The following RTN3 variants were observed in gnomAD, a reference collection of about 807,000 sequenced individuals.
The protein encoded by RTN3 is reticulon-3.
A neutral mutation model predicts 77.8 loss-of-function variants in RTN3; 49 were observed. That is an observed-to-expected ratio of 0.63 (90% CI 0.50 to 0.80). The LOEUF is 0.80. RTN3 is among the 30% of genes least tolerant of loss of function. The pLI is 0.00. For synonymous variants in RTN3, 464 were observed against 446.9 expected, an observed-to-expected ratio of 1.04 and a Z score of -0.48; for missense variants, 1,236 against 1,211.9, an observed-to-expected ratio of 1.02 and a Z score of -0.29.
chr11:63,692,887 AAATTTGTCAC>A (rs1161027242), intron 1 of RTN3, among the ~76,000 whole-genome samples: 3 of 152,238 alleles, frequency 2.0e-5, no homozygotes, highest in African/African-American at 7.2e-5. Flanking sequence ...CAACTTGACC[AAATTTGTCAC>A]AATTTGTCAC....
intron 2 of RTN3, among the ~76,000 whole-genome samples, chr11:63,716,041 A>T (rs1347773800): frequency 6.6e-6 from 1 of 152,186 alleles, no homozygotes; most frequent in Non-Finnish European, 1.5e-5. Flanking sequence ...AGTTTACTTC[A>T]AGTGTTTTGT....
Position 63,720,058 on chromosome 11 carries a change from T to G in RTN3, c.1556T>G (p.Ile519Ser). 6.2e-7 allele frequency: 1 copy of G among 1,614,006 alleles called. No individual in the cohort carries two copies. The highest frequency in any genetic ancestry group is 1.3e-5 in the African/African-American group (1 of 75,014). Residue 519 changes from isoleucine (I) to serine (S), a missense_variant, in exon 3 of 9, where the codon ATT (isoleucine) becomes AGT (serine). Physicochemically the swap from Ile to Ser is moderately radical, Grantham distance 142. Around this residue, in one of 3 missense-constraint regions of RTN3, gnomAD observed 1,056 missense variants for 990.4 expected, o/e 1.07. Coordinates refer to ENST00000377819, the MANE Select transcript of RTN3 (RefSeq NM_001265589.2). ...TADTSFENNK[I>S]QAEKPVSIPS... ...GATACATCATTTGAAAATAACAAAATTCAGGCTGAAAAACCTGTTTCCATT... is the reference window on the plus strand; with the variant it reads ...GATACATCATTTGAAAATAACAAAAGTCAGGCTGAAAAACCTGTTTCCATT...
intron 1 of RTN3, among the ~76,000 whole-genome samples, chr11:63,692,018 C>T (rs527321175): frequency 5.3e-5 from 8 of 152,148 alleles, no homozygotes; most frequent in Non-Finnish European, 1.2e-4. Flanking sequence ...CTCCCCCTTT[C>T]TCACCTGGCT....
intron 2 of RTN3, among the ~76,000 whole-genome samples, chr11:63,706,901 C>CTT (rs535955895): frequency 0.011 from 1,502 of 139,750 alleles, 33 homozygotes; most frequent in African/African-American, 0.038. Context: ...TTTCTTTTTT[C>CTT]TTTTTTTTTT....
intron 3 of RTN3, among the ~76,000 whole-genome samples, chr11:63,740,233 T>A (rs2013377119): frequency 6.6e-6 from 1 of 152,086 alleles, no homozygotes; most frequent in African/African-American, 2.4e-5. Flanking sequence ...GGAAGTTTGA[T>A]ACATAAAATA....
Position 63,737,648 on chromosome 11 carries a change from A to G in RTN3, c.2531-12343A>G, listed in dbSNP as rs373874241. 7.9e-5 allele frequency among the ~76,000 whole-genome samples: 12 copies of G among 152,304 alleles called. No homozygotes were observed. In the East Asian group the frequency reaches 1.3e-3, roughly 17 times the overall value. ...AAAGGAAAATACTTTTTAGGTAACT[A>G]AGGTCAAAAGTTCACATTTTTAGAT... On this transcript the variant is annotated intron_variant, in intron 3 of 8. Coordinates refer to ENST00000377819, the MANE Select transcript of RTN3 (RefSeq NM_001265589.2).
chr11:63,714,182 T>G, intron 2 of RTN3: 1 of 348,716 alleles, frequency 2.9e-6, no homozygotes, highest in South Asian at 2.1e-5. Flanking sequence ...GGGTTTCAGC[T>G]AGCCAAAAAT....
intron 1 of RTN3, among the ~76,000 whole-genome samples, chr11:63,698,372 T>TGCCC (rs1942071778): frequency 1.3e-5 from 2 of 152,144 alleles, no homozygotes; most frequent in East Asian, 3.9e-4. Flanking sequence ...GCCATCCACC[T>TGCCC]GCTTTGGCCT....
intron 3 of RTN3, among the ~76,000 whole-genome samples, chr11:63,740,181 T>C (rs999733346): frequency 2.6e-5 from 4 of 152,204 alleles, no homozygotes; most frequent in Admixed American, 1.3e-4. Context: ...TATTTAATCA[T>C]AGTTCTGATA....
At chr11:63,729,616 C>G (rs962772100) in intron 3 of RTN3, among the ~76,000 whole-genome samples, 1 of 151,158 alleles carries the variant, frequency 6.6e-6, no homozygotes. Flanking sequence ...TGCCACCACA[C>G]CTAGCTAATT....
At chr11:63,732,780 G>C (rs565068520) in intron 3 of RTN3, among the ~76,000 whole-genome samples, 4 of 152,146 alleles carry the variant, frequency 2.6e-5, no homozygotes, top group South Asian at 4.1e-4. Context: ...AAGGAGAGGA[G>C]AATACTTCCC....
At chr11:63,698,820 T>A (rs1197753154) in intron 1 of RTN3, 1 of 166,348 alleles carries the variant, frequency 6.0e-6, no homozygotes, top group Non-Finnish European at 1.5e-5. Context: ...TATTTCTTCC[T>A]GGATGAAGGT....
intron 1 of RTN3, among the ~76,000 whole-genome samples, chr11:63,697,631 A>G (rs1363712069): frequency 6.6e-6 from 1 of 151,936 alleles, no homozygotes; most frequent in South Asian, 2.1e-4. Flanking sequence ...ACCTGCCACC[A>G]CGCCTGGCTA....
chr11:63,702,324 T>G (rs1048701120), intron 1 of RTN3, among the ~76,000 whole-genome samples: 4 of 151,278 alleles, frequency 2.6e-5, no homozygotes, highest in Non-Finnish European at 5.9e-5. Flanking sequence ...GTTTTTTTGT[T>G]TTTTTTTTGA....
intron 2 of RTN3, among the ~76,000 whole-genome samples, chr11:63,715,664 A>AT (rs1405523240): frequency 8.0e-6 from 1 of 124,692 alleles, no homozygotes; most frequent in Non-Finnish European, 2.0e-5. Context: ...TCTAAAAAAA[A>AT]CACACAAAAA....
At chr11:63,746,977 A>T in intron 3 of RTN3, 1 of 456,072 alleles carries the variant, frequency 2.2e-6, no homozygotes, top group South Asian at 1.5e-5. Flanking sequence ...TTTGTGCCTC[A>T]TCCTGTCTCC....
intron 2 of RTN3, chr11:63,714,224 A>G (rs886256110): frequency 1.7e-5 from 6 of 357,144 alleles, no homozygotes; most frequent in African/African-American, 1.1e-4. Flanking sequence ...TCTAAACAAA[A>G]TAATTAAAGT....
chr11:63,748,290 A>G (rs501638), intron 3 of RTN3, among the ~76,000 whole-genome samples: 1 of 150,100 alleles, frequency 6.7e-6, no homozygotes, highest in Non-Finnish European at 1.5e-5. Flanking sequence ...ACAAACTGGG[A>G]AAATCGAAAT....
intron 5 of RTN3, 103 bp downstream of exon 5, chr11:63,752,748 A>G (rs2014172324): frequency 5.7e-6 from 7 of 1,229,308 alleles, no homozygotes; most frequent in Non-Finnish European, 8.2e-6. Flanking sequence ...ACAAAAATGA[A>G]CGTATGCTTA....
Sources: gnomAD v4.1 joint callset for allele counts (sites outside exome capture counted in the v4.1 genomes callset) on GRCh38, gnomAD v4.1.1 for gene constraint, gnomAD v4.1.1 regional missense constraint, MANE v1.5 for transcripts, NCBI Gene and HGNC (gene_info 2026-07-23, HGNC 2026-07-21) for gene names.